HSPA12A: variants seen among roughly 807,000 people sequenced by gnomAD.
HSPA12A encodes heat shock protein family A (Hsp70) member 12A.
Under a neutral mutation model 69.2 loss-of-function variants are expected in HSPA12A, and 28 were observed. The ratio of observed to expected loss-of-function variants is 0.40; its 90% CI spans 0.30 to 0.55. The LOEUF is 0.55. Among genes scored for constraint, HSPA12A ranks in the 20% least tolerant of loss-of-function variants. The pLI is 0.38. For synonymous variants in HSPA12A, 345 were observed against 370.5 expected, an observed-to-expected ratio of 0.93 and a Z score of 0.79; for missense variants, 686 against 900.7, an observed-to-expected ratio of 0.76 and a Z score of 3.05.
At chr10:116,846,337 TTTTTTTG>T (rs1416884824) in intron 1 of HSPA12A, among the ~76,000 whole-genome samples, 2 of 148,180 alleles carry the variant, frequency 1.3e-5, no homozygotes, top group African/African-American at 2.5e-5. Flanking sequence ...TTTTCTTTTT[TTTTTTTG>T]TTTTTTTGTT....
Position 116,681,821 on chromosome 10 carries a change from T to G in HSPA12A, c.892A>C (p.Ile298Leu), listed in dbSNP as rs782208977. ...QSRTFLVENV[I>L]GEIWSELEEG... ...TCCAGCTCGGACCAGATTTCTCCTA[T>G]GACATTCTCCACCAAAAAGGTCCGA... The change falls in exon 8 of 12, where the codon ATA becomes CTA. Residue 298 changes from isoleucine (I) to leucine (L), a missense_variant. Ile to Leu is a conservative substitution (Grantham distance 5). Coordinates refer to ENST00000369209, the MANE Select transcript of HSPA12A (RefSeq NM_025015.3). 2 of 1,614,082 alleles carry G rather than the reference T, an allele frequency of 1.2e-6. No homozygotes were observed. The highest frequency in any genetic ancestry group is 2.2e-5 in the East Asian group (1 of 44,882).
chr10:116,799,023 G>A (rs540696707), intron 2 of HSPA12A, among the ~76,000 whole-genome samples: 7 of 152,208 alleles, frequency 4.6e-5, no homozygotes, highest in African/African-American at 1.7e-4. Flanking sequence ...CCAGGGCTCT[G>A]CTGACTCTTA....
intron 10 of HSPA12A, among the ~76,000 whole-genome samples, chr10:116,679,191 C>T (rs1849328958): frequency 6.6e-6 from 1 of 152,224 alleles, no homozygotes. Flanking sequence ...CAAAACTAAA[C>T]TTCGCTGCTT....
At chr10:116,803,997 G>T (rs565064903) in intron 2 of HSPA12A, among the ~76,000 whole-genome samples, 2 of 152,074 alleles carry the variant, frequency 1.3e-5, no homozygotes, top group African/African-American at 4.8e-5. Context: ...GAAGCAAAAT[G>T]TGAGAATCTC....
intron 2 of HSPA12A, among the ~76,000 whole-genome samples, chr10:116,802,260 G>T (rs763848793): frequency 4.5e-4 from 69 of 152,226 alleles, no homozygotes; most frequent in Admixed American, 3.0e-3. Context: ...AACATGAGCT[G>T]CCCAGGCCCG....
upstream of HSPA12A, among the ~76,000 whole-genome samples, chr10:116,745,406 C>T (rs1851627635): frequency 6.6e-6 from 1 of 152,218 alleles, no homozygotes; most frequent in East Asian, 1.9e-4. Flanking sequence ...AAGCTCCCCT[C>T]CAAAGACTCC....
chr10:116,681,591 G>A (rs1849402943), intron 8 of HSPA12A, among the ~76,000 whole-genome samples, 200 bp downstream of exon 8: 1 of 152,188 alleles, frequency 6.6e-6, no homozygotes, highest in Non-Finnish European at 1.5e-5. Flanking sequence ...ACTTACTCTG[G>A]AACTGATCAA....
intron 2 of HSPA12A, among the ~76,000 whole-genome samples, chr10:116,789,252 T>G (rs549429681): frequency 1.8e-4 from 27 of 152,198 alleles, no homozygotes; most frequent in Non-Finnish European, 3.8e-4. Flanking sequence ...TACAAAATAA[T>G]ACGTATAGAA....
Position 116,700,970 on chromosome 10 carries a change from C to T in HSPA12A, c.414G>A (p.Lys138=). The T allele has an allele frequency of 6.2e-7, 1 of 1,613,976 alleles. No individual in the cohort carries two copies. The highest frequency in any genetic ancestry group is 8.5e-7 in the Non-Finnish European group (1 of 1,180,024). ...CAGTGGTGTGCAGCTTCATCTTGAA[C>T]TTCTCCAGGTACAGCCACTGCTTGG... ...NEAKQWLYLE[K]FKMKLHTTGD... Residue 138 remains lysine (K), a synonymous_variant, in exon 4 of 12, where the codon AAG becomes AAA. Transcript: ENST00000369209.
intron 1 of HSPA12A, among the ~76,000 whole-genome samples, chr10:116,843,833 A>G (rs1034522619): frequency 2.0e-5 from 3 of 152,222 alleles, no homozygotes; most frequent in Non-Finnish European, 4.4e-5. Flanking sequence ...AATCACCAGT[A>G]TCATTCAATA....
intron 2 of HSPA12A, among the ~76,000 whole-genome samples, chr10:116,811,265 A>G (rs745326545): frequency 1.3e-5 from 2 of 152,190 alleles, no homozygotes; most frequent in Non-Finnish European, 2.9e-5. Flanking sequence ...AGAGTGGCCA[A>G]TGCAGAATCA....
At chr10:116,676,783 T>A (rs990982815) in intron 10 of HSPA12A, among the ~76,000 whole-genome samples, 13 of 152,186 alleles carry the variant, frequency 8.5e-5, no homozygotes, top group African/African-American at 2.7e-4. Flanking sequence ...GACAAGGAGA[T>A]AAAGGGCTCA....
chr10:116,818,975 A>ACTCTCTCTCGCTGGATTCCTGTCT (rs1438554483), intron 2 of HSPA12A, among the ~76,000 whole-genome samples: 2 of 148,946 alleles, frequency 1.3e-5, no homozygotes, highest in African/African-American at 4.9e-5. Context: ...AGCCCCTGTC[A>ACTCTCTCTCGCTGGATTCCTGTCT]CTCTCTCTCG....
chr10:116,701,079 G>A lies in HSPA12A; in HGVS notation c.305C>T (p.Thr102Ile), dbSNP rs781798853. The change falls in exon 4 of 12, where the codon ACC (threonine) becomes ATC (isoleucine). Residue 102 changes from threonine (T) to isoleucine (I), a missense_variant. Physicochemically the swap from Thr to Ile is moderately conservative, Grantham distance 89. Transcript: ENST00000369209. ...CTTCCTCTCGGGAGTCAGCAAGATG[G>A]TGGTTGGAGTCTTCTGATTGGACAC... ...PGVSNQKTPT[T>I]ILLTPERKFH... is the part of the protein sequence containing the mutation. 3.7e-6 allele frequency: 6 copies of A among 1,614,160 alleles called. No individual in the cohort carries two copies. In the South Asian group the frequency reaches 5.5e-5, roughly 15 times the overall value.
intron 1 of HSPA12A, among the ~76,000 whole-genome samples, chr10:116,730,816 G>T (rs1554885611): frequency 6.6e-6 from 1 of 152,282 alleles, no homozygotes; most frequent in African/African-American, 2.4e-5. Flanking sequence ...GACACAGACA[G>T]ACTGAGGCTG....
intron 2 of HSPA12A, among the ~76,000 whole-genome samples, chr10:116,780,526 ATTTATT>A (rs2133134424): frequency 6.7e-6 from 1 of 148,466 alleles, no homozygotes; most frequent in African/African-American, 2.5e-5. Flanking sequence ...TAATTTTTTG[ATTTATT>A]TTATTTTATT....
In HSPA12A at chr10:116,675,242, G is replaced by A. The variant is rs782348241; in HGVS notation, c.1567C>T (p.Leu523=). The change falls in exon 12 of 12, where the codon CTG becomes TTG. Residue 523 remains leucine, a synonymous_variant. Coordinates refer to ENST00000369209, the MANE Select transcript of HSPA12A (RefSeq NM_025015.3). The surrounding 1 kb of genome is among the most constrained non-coding windows in gnomAD (Gnocchi z 5.2). ...CGCACCTTGATGACCGCGGGGTCCAGGCCAAAGAGGACGGCACCCTTGAGG... is the reference window on the plus strand; with the variant it reads ...CGCACCTTGATGACCGCGGGGTCCAAGCCAAAGAGGACGGCACCCTTGAGG... ...TILKGAVLFG[L]DPAVIKVRRS... 6.2e-7 allele frequency: 1 copy of A among 1,613,730 alleles called. No homozygotes were observed. The highest frequency in any genetic ancestry group is 8.5e-7 in the Non-Finnish European group (1 of 1,180,034).
rs561113529 is a variant in HSPA12A, at chr10:116,770,380, C to T, written c.92-63095G>A. Among the ~76,000 whole-genome samples, 7 of 152,198 alleles carry T rather than the reference C, an allele frequency of 4.6e-5. No individual in the cohort carries two copies. In the East Asian group the frequency reaches 5.8e-4, roughly 13 times the overall value. ...ATGTGGGGAGGTCCCGCAGAGGCCA[C>T]GCTGTGTGCTTGTGAAGGGGCGGAT... On this transcript the variant is annotated intron_variant, in intron 2 of 12. Coordinates refer to the HSPA12A transcript ENST00000635765.
At position 116,698,573 on chromosome 10, in the gene HSPA12A, C is replaced by T. The variant is rs879968333; in HGVS notation, c.546+62G>A. The T allele has an allele frequency of 5.1e-5, 68 of 1,338,014 alleles. 1 individual carries two copies. The highest frequency in any genetic ancestry group is 2.6e-4 in the Admixed American group (15 of 58,748). 82.9% of individuals were successfully genotyped at this position (1,338,014 alleles called of 1,614,324 possible). On this transcript the variant is annotated intron_variant, in intron 5 of 11. Transcript: ENST00000369209. The stretch of plus-strand genomic sequence containing the variant: ...CCAGCAGGTGCAGCAGCCCGAGACA[C>T]GGAGCTGGCACGGGTGCCACCGCCT...
Sources: allele counts gnomAD v4.1 joint callset (sites outside exome capture counted in the v4.1 genomes callset), GRCh38; gene constraint gnomAD v4.1.1; non-coding constraint Gnocchi (gnomAD v3.1); transcripts MANE v1.5; gene names NCBI Gene and HGNC (gene_info 2026-07-23, HGNC 2026-07-21).